Variants in GPR158 observed in about 807,000 individuals in gnomAD.
GPR158 encodes the protein metabotropic glycine receptor.
In GPR158, 30 loss-of-function variants were observed where a neutral mutation model predicts 78.2. That is an observed-to-expected ratio of 0.38 (90% CI 0.29 to 0.52). The LOEUF (loss-of-function observed/expected upper bound fraction) is 0.52. Ranked by LOEUF, GPR158 falls within the 20% of genes least tolerant of loss-of-function variation. The pLI is 0.83. For synonymous variants in GPR158, 581 were observed against 591.1 expected (o/e 0.98, Z 0.25); for missense variants, 1,463 against 1,523.5 (o/e 0.96, Z 0.66).
chr10:25,289,443 A>AT (rs1854401990), intron 2 of GPR158, among the ~76,000 whole-genome samples: 2 of 152,086 alleles, frequency 1.3e-5, no homozygotes, highest in South Asian at 4.2e-4. Flanking sequence ...TTTTATTTTT[A>AT]TTTTTTTGAG....
At chr10:25,588,900 A>G (rs16926160) in intron 7 of GPR158, 107 bp from the exon 8 acceptor site, 27,542 of 600,004 alleles carry the variant, frequency 0.046, 2,600 homozygotes, top group African/African-American at 0.3. Context: ...TTTCTAACCC[A>G]TCTATTTATA....
rs201812768 is a variant in GPR158 at position 25,416,887 on chromosome 10, GA to G, written c.1335+4418del. On this transcript the variant is annotated intron_variant, in intron 4 of 10. Transcript: ENST00000376351. ...GTAAGTTAATAAATTAAGGCTAAGT[GA>G]AAATAAGTATAGAAAAATTAGTTGA... Among the ~76,000 whole-genome samples the G allele has an allele frequency of 4.9e-3, 742 of 152,252 alleles. 12 individuals carry two copies. The highest frequency in any genetic ancestry group is 0.016 in the African/African-American group (684 of 41,550).
At chr10:25,376,353 A>G (rs1297299344) in intron 2 of GPR158, among the ~76,000 whole-genome samples, 2 of 151,608 alleles carry the variant, frequency 1.3e-5, no homozygotes, top group Non-Finnish European at 3.0e-5. Flanking sequence ...TTTAAATTAT[A>G]GGGTTTTTTT....
At chr10:25,233,798 A>G (rs1853486538) in intron 2 of GPR158, among the ~76,000 whole-genome samples, 1 of 152,228 alleles carries the variant, frequency 6.6e-6, no homozygotes, top group Non-Finnish European at 1.5e-5. Flanking sequence ...ACAAGATGTG[A>G]TATAGAAACA....
intron 1 of GPR158, among the ~76,000 whole-genome samples, chr10:25,200,863 G>GTTTTTTTTTTTTTTTTTTTTT (rs1209435056): frequency 1.2e-5 from 1 of 84,504 alleles, no homozygotes; most frequent in Middle Eastern, 6.3e-3. Flanking sequence ...TCTGTTTTTT[G>GTTTTTTTTTTTTTTTTTTTTT]TTTTGTTTTT....
At chr10:25,458,156 T>TTTA (rs1332802777) in intron 4 of GPR158, among the ~76,000 whole-genome samples, 7 of 152,208 alleles carry the variant, frequency 4.6e-5, no homozygotes, top group Non-Finnish European at 1.0e-4. Flanking sequence ...CTTATTAAAC[T>TTTA]GTTCACCTAT....
At chr10:25,411,931 CACAAAAAAAA>C (rs1834591269) in intron 3 of GPR158, among the ~76,000 whole-genome samples, 1 of 34,394 alleles carries the variant, frequency 2.9e-5, no homozygotes, top group African/African-American at 1.4e-4. Flanking sequence ...GAGACTCTAT[CACAAAAAAAA>C]AAAAAAAAAA....
At position 25,598,267 on chromosome 10, in the gene GPR158, A is replaced by G; in HGVS notation, c.2641A>G (p.Ser881Gly). The G allele has an allele frequency of 6.2e-7, 1 of 1,614,108 alleles. No homozygotes were observed. Among genetic ancestry groups the G allele is most frequent in the Non-Finnish European group, 8.5e-7 (1 of 1,180,016 alleles). The change falls in exon 11 of 11, where the codon AGC becomes GGC. Residue 881 changes from serine to glycine, a missense_variant. Transcript: ENST00000376351. ...GGTGCCGTTGGTGTGCAAGTCAGCA[A>G]GCGCTCACAACCTCAGCTCAGAGAA... ...ESVPLVCKSASAHNLSSEKKT... is the reference protein window; with the variant it reads ...ESVPLVCKSAGAHNLSSEKKT...
chr10:25,552,724 C>T (rs531051051), intron 6 of GPR158, among the ~76,000 whole-genome samples: 12 of 152,294 alleles, frequency 7.9e-5, no homozygotes, highest in African/African-American at 2.6e-4. Flanking sequence ...TCATTCTCTC[C>T]ACACATAACC....
intron 1 of GPR158, among the ~76,000 whole-genome samples, chr10:25,186,299 C>T (rs1182607419): frequency 1.3e-5 from 2 of 152,068 alleles, no homozygotes; most frequent in Non-Finnish European, 2.9e-5. Flanking sequence ...ACCCTAACAT[C>T]ACAATTAAAA....
chr10:25,176,671 G>T lies in GPR158; in HGVS notation c.902+349G>T, dbSNP rs1434698917. Among the ~76,000 whole-genome samples the T allele has an allele frequency of 1.3e-5, 2 of 152,238 alleles. No homozygotes were observed. Among genetic ancestry groups the T allele is most frequent in the East Asian group, 3.9e-4 (2 of 5,192 alleles). ...GCAGGGAGGGGCGTTCCCCACCGGG[G>T]GGCGATGCGACAACTTGGCGAGCGC... is the stretch of plus-strand genomic sequence containing the variant. On this transcript the variant is annotated intron_variant, in intron 1 of 10. Coordinates refer to ENST00000376351, the MANE Select transcript of GPR158 (RefSeq NM_020752.3). The surrounding 1 kb of genome is among the most constrained non-coding windows in gnomAD (Gnocchi z 6.3).
At chr10:25,442,451 A>G (rs1441101657) in intron 4 of GPR158, among the ~76,000 whole-genome samples, 1 of 152,182 alleles carries the variant, frequency 6.6e-6, no homozygotes, top group Non-Finnish European at 1.5e-5. Context: ...AGTTGAACCC[A>G]GAACCCTCTC....
chr10:25,407,002 C>T (rs1032726938), intron 3 of GPR158, among the ~76,000 whole-genome samples: 2 of 152,174 alleles, frequency 1.3e-5, no homozygotes, highest in African/African-American at 4.8e-5. Context: ...AGTTATGTGA[C>T]TTGGACCCCA....
At chr10:25,429,451 C>T (rs1323307916) in intron 4 of GPR158, among the ~76,000 whole-genome samples, 3 of 152,064 alleles carry the variant, frequency 2.0e-5, no homozygotes, top group African/African-American at 7.2e-5. Context: ...AGCTCAAATT[C>T]AGAGTTTCAA....
intron 8 of GPR158, among the ~76,000 whole-genome samples, chr10:25,589,630 A>G (rs1488752943): frequency 6.6e-6 from 1 of 152,174 alleles, no homozygotes; most frequent in African/African-American, 2.4e-5. Flanking sequence ...TGATGACTAG[A>G]TTATCATGTG....
At chr10:25,209,045 G>C (rs986847519) in intron 1 of GPR158, among the ~76,000 whole-genome samples, 2 of 151,752 alleles carry the variant, frequency 1.3e-5, no homozygotes, top group Admixed American at 1.3e-4. Context: ...TATTAGAGAT[G>C]GGGTTTCACC....
rs74126506 is a variant in GPR158, at chr10:25,271,880, T to A, written c.1008+50723T>A. Among the ~76,000 whole-genome samples the A allele has an allele frequency of 3.2e-3, 491 of 152,218 alleles. 2 individuals are homozygous for A. Among genetic ancestry groups the A allele is most frequent in the African/African-American group, 0.011 (465 of 41,522 alleles). On this transcript the variant is annotated intron_variant, in intron 2 of 10. Transcript: ENST00000376351. Reference sequence around the variant, plus strand: ...GTCTTGAACTCTTGACCTCAGGTGATCTGCCCACCTCGGCTTCCAAAAGTG... The same window carrying A: ...GTCTTGAACTCTTGACCTCAGGTGAACTGCCCACCTCGGCTTCCAAAAGTG...
In GPR158 at chr10:25,599,209, G is replaced by T. The variant is rs746993563; in HGVS notation, c.3583G>T (p.Ala1195Ser). 5 of 1,612,226 alleles carry T rather than the reference G, an allele frequency of 3.1e-6. No individual in the cohort carries two copies. The highest frequency in any genetic ancestry group is 4.2e-6 in the Non-Finnish European group (5 of 1,179,810). The change falls in exon 11 of 11, where the codon GCT (alanine) becomes TCT (serine). Residue 1195 changes from alanine (A) to serine (S), a missense_variant. Coordinates refer to ENST00000376351, the MANE Select transcript of GPR158 (RefSeq NM_020752.3). ...GRSVALPASS[A>S]LSANKIAGPR... ...AAGTGTAGCTTTACCTGCCTCTTCTGCTCTAAGTGCAAATAAGATAGCAGG... is the reference window on the plus strand; with the variant it reads ...AAGTGTAGCTTTACCTGCCTCTTCTTCTCTAAGTGCAAATAAGATAGCAGG...
At chr10:25,481,004 T>A (rs1251563340) in intron 5 of GPR158, among the ~76,000 whole-genome samples, 1 of 152,000 alleles carries the variant, frequency 6.6e-6, no homozygotes, top group Non-Finnish European at 1.5e-5. Flanking sequence ...GGGAGAAAAA[T>A]TGGGCTTATG....
Sources: gnomAD v4.1 joint callset for allele counts (sites outside exome capture counted in the v4.1 genomes callset) on GRCh38, gnomAD v4.1.1 for gene constraint, Gnocchi (gnomAD v3.1) non-coding constraint, MANE v1.5 for transcripts, NCBI Gene and HGNC (gene_info 2026-07-23, HGNC 2026-07-21) for gene names.